SFSWAP: variants seen among roughly 807,000 people sequenced by gnomAD.
SFSWAP encodes splicing factor, suppressor of white-apricot homolog.
A neutral mutation model predicts 100.7 loss-of-function variants in SFSWAP; 17 were observed. The observed-to-expected ratio is 0.17, with a 90% confidence interval of 0.12 to 0.25. SFSWAP has a LOEUF of 0.25. Ranked by LOEUF, SFSWAP falls within the 10% of genes least tolerant of loss-of-function variation. SFSWAP has a pLI of 1.00. For synonymous variants in SFSWAP, 504 were observed against 510.1 expected (o/e 0.99, Z 0.16); for missense variants, 1,005 against 1,262.6 (o/e 0.80, Z 3.09).
chr12:131,797,719 G>T (rs1443971189), intron 16 of SFSWAP, among the ~76,000 whole-genome samples: 1 of 152,116 alleles, frequency 6.6e-6, no homozygotes, highest in Admixed American at 6.5e-5. Flanking sequence ...AGGCTGCCGT[G>T]GCTGGAGCAG....
intron 7 of SFSWAP, among the ~76,000 whole-genome samples, chr12:131,731,950 C>G (rs1879557048): frequency 8.5e-6 from 1 of 117,282 alleles, no homozygotes; most frequent in East Asian, 2.9e-4. Context: ...CTCTGTGTTA[C>G]CCAGGCTGGA....
chr12:131,764,424 CAT>C (rs1882944815), intron 11 of SFSWAP, 30 bp from the exon 12 acceptor site: 1 of 1,568,394 alleles, frequency 6.4e-7, no homozygotes, highest in African/African-American at 1.4e-5. Context: ...CACTCTGTAA[CAT>C]GTATCATAAT....
intron 4 of SFSWAP, among the ~76,000 whole-genome samples, chr12:131,719,860 C>T (rs1469780873): frequency 5.9e-5 from 9 of 152,198 alleles, no homozygotes. Context: ...CTGCTCCCCA[C>T]ACATAGATGT....
At chr12:131,721,942 T>G (rs749772099) in intron 4 of SFSWAP, among the ~76,000 whole-genome samples, 9 of 152,232 alleles carry the variant, frequency 5.9e-5, no homozygotes, top group Non-Finnish European at 1.0e-4. Flanking sequence ...TCATAATTAT[T>G]ATGTGTTTTT....
At chr12:131,737,891 T>C (rs1880184197) in intron 7 of SFSWAP, among the ~76,000 whole-genome samples, 1 of 152,128 alleles carries the variant, frequency 6.6e-6, no homozygotes, top group Admixed American at 6.5e-5. Flanking sequence ...ATTTATTTCA[T>C]TTATTAATTT....
At position 131,730,842 on chromosome 12, in the gene SFSWAP, C is replaced by T. The variant is rs1020199762; in HGVS notation, c.1081+2414C>T. 6.6e-6 allele frequency among the ~76,000 whole-genome samples: 1 copy of T among 152,264 alleles called. No individual in the cohort carries two copies. Among genetic ancestry groups the T allele is most frequent in the South Asian group, 2.1e-4 (1 of 4,820 alleles). On this transcript the variant is annotated intron_variant, in intron 7 of 17. Coordinates refer to ENST00000261674, the MANE Select transcript of SFSWAP (RefSeq NM_004592.4). The surrounding 1 kb of genome is among the most constrained non-coding windows in gnomAD (Gnocchi z 4.0). Reference sequence around the variant, plus strand: ...CCCTCTCCTCCCCTCAATACGGTGCCGTTGTTTTGAAACTCATCGTCTCCC... The same window carrying T: ...CCCTCTCCTCCCCTCAATACGGTGCTGTTGTTTTGAAACTCATCGTCTCCC...
chr12:131,786,669 CT>C, intron 15 of SFSWAP, 81 bp downstream of exon 15: 1 of 1,452,782 alleles, frequency 6.9e-7, no homozygotes, highest in Non-Finnish European at 9.2e-7. Flanking sequence ...GGTCGGGTAT[CT>C]GTGAGCAGAG....
rs1015160934 is a variant in SFSWAP, at chr12:131,734,289, T to C, written c.1081+5861T>C. Among the ~76,000 whole-genome samples, 2 of 152,210 alleles carry C rather than the reference T, an allele frequency of 1.3e-5. No homozygotes were observed. Among genetic ancestry groups the C allele is most frequent in the Non-Finnish European group, 2.9e-5 (2 of 68,038 alleles). ...TCACGTTTTTCCTCACAACTTAGAA[T>C]AGCAAAGTTACAGACTTTGGATTCT... On this transcript the variant is annotated intron_variant, in intron 7 of 17. Transcript: ENST00000261674. This position sits in a 1 kb window ranked among gnomAD's most constrained non-coding sequence, Gnocchi z 4.9.
At chr12:131,782,178 C>T (rs115247650) in intron 14 of SFSWAP, among the ~76,000 whole-genome samples, 4 of 152,342 alleles carry the variant, frequency 2.6e-5, no homozygotes, top group African/African-American at 9.6e-5. Context: ...GGTGGTTTCT[C>T]ACCATAACCT....
At chr12:131,724,187 C>A (rs960243139) in intron 4 of SFSWAP, among the ~76,000 whole-genome samples, 6 of 152,104 alleles carry the variant, frequency 3.9e-5, no homozygotes, top group African/African-American at 1.4e-4. Context: ...ACAAATAGGC[C>A]TACTTTTAAG....
chr12:131,719,477 G>C lies in SFSWAP; in HGVS notation c.544G>C (p.Glu182Gln), dbSNP rs745373470. 1.2e-5 allele frequency: 19 copies of C among 1,613,990 alleles called. No homozygotes were observed. Among genetic ancestry groups the C allele is most frequent in the Middle Eastern group, 1.6e-4 (1 of 6,084 alleles). ...QREKNEAENL[E>Q]ENEEPFVAPL... The stretch of plus-strand genomic sequence containing the variant: ...AGAAAAAAATGAGGCCGAAAATTTA[G>C]AGGAAAATGAAGAGCCCTTCGTTGC... The change falls in exon 4 of 18, where the codon GAG becomes CAG. Residue 182 changes from glutamate to glutamine, a missense_variant. Physicochemically the swap from Glu to Gln is conservative, Grantham distance 29. Coordinates refer to ENST00000261674, the MANE Select transcript of SFSWAP (RefSeq NM_004592.4).
chr12:131,767,084 TCCGAGACCAGAGGC>T (rs1883178348), intron 13 of SFSWAP, among the ~76,000 whole-genome samples: 1 of 1,612 alleles, frequency 6.2e-4, no homozygotes, highest in African/African-American at 7.2e-3. Flanking sequence ...CCCATGCGTG[TCCGAGACCAGAGGC>T]CTTCAGTAGA....
intron 14 of SFSWAP, among the ~76,000 whole-genome samples, chr12:131,782,494 T>C (rs529110127): frequency 7.2e-5 from 11 of 152,360 alleles, no homozygotes; most frequent in East Asian, 3.9e-4. Context: ...CCACTCAGAA[T>C]GGATCGGACT....
At chr12:131,744,307 G>A (rs1880922799) in intron 7 of SFSWAP, among the ~76,000 whole-genome samples, 1 of 152,170 alleles carries the variant, frequency 6.6e-6, no homozygotes, top group Non-Finnish European at 1.5e-5. Flanking sequence ...AAAACTGAAT[G>A]CCTTTAACAG....
At chr12:131,753,481 T>C in intron 8 of SFSWAP, 118 bp downstream of exon 8, 1 of 1,283,166 alleles carries the variant, frequency 7.8e-7, no homozygotes. Context: ...GTCCCCATTG[T>C]CTGAGTAGTT....
At position 131,779,325 on chromosome 12, in the gene SFSWAP, T is replaced by C. The variant is rs1444815011; in HGVS notation, c.2408+995T>C. On this transcript the variant is annotated intron_variant, in intron 14 of 17. Coordinates refer to ENST00000261674, the MANE Select transcript of SFSWAP (RefSeq NM_004592.4). ...AAGAGGGCGGCGCTGGTGCAGAATG[T>C]TTCCTCTCCACCCTCCCTCCAGGAG... 2.4e-5 allele frequency among the ~76,000 whole-genome samples: 3 copies of C among 123,102 alleles called. No individual in the cohort carries two copies. In the East Asian group the frequency reaches 8.3e-4, roughly 34 times the overall value. 80.8% of individuals were successfully genotyped at this position (123,102 alleles called of 152,430 possible). A position where few individuals can be genotyped will look rare whatever the true frequency, so the allele number is the denominator to read the frequency against.
chr12:131,796,961 A>G (rs530876578), intron 15 of SFSWAP: 191 of 493,512 alleles, frequency 3.9e-4, no homozygotes, highest in African/African-American at 3.3e-3. Flanking sequence ...AAATACCACA[A>G]ATATTTTACT....
Position 131,754,457 on chromosome 12 carries a change from G to T in SFSWAP, c.1412G>T (p.Gly471Val). 2 of 1,603,848 alleles carry T rather than the reference G, an allele frequency of 1.2e-6. No homozygotes were observed. Among genetic ancestry groups the T allele is most frequent in the Admixed American group, 1.7e-5 (1 of 57,206 alleles). Residue 471 changes from glycine to valine, a missense_variant, in exon 9 of 18, where the codon GGC (glycine) becomes GTC (valine). By Grantham distance (109) the Gly-to-Val change is moderately radical. This residue lies in a region of SFSWAP where 311 missense variants were observed against 317.8 expected (regional missense o/e 0.98). Transcript: ENST00000261674. ...CTGGCCGAGTATGTCGCCAGGAACG[G>T]CCTGAAGTTCGAGACCAGTGTTCGT... is the stretch of plus-strand genomic sequence containing the variant. The part of the protein sequence containing the change: ...DKLAEYVARN[G>V]LKFETSVRAK...
At chr12:131,799,144 T>G in intron 17 of SFSWAP, 35 bp downstream of exon 17, 2 of 1,522,662 alleles carry the variant, frequency 1.3e-6, no homozygotes, top group Non-Finnish European at 1.8e-6. Flanking sequence ...CTCCCAGCCT[T>G]TCATCAAGGG....
Sources: gnomAD v4.1 joint callset for allele counts (sites outside exome capture counted in the v4.1 genomes callset) on GRCh38, gnomAD v4.1.1 for gene constraint, gnomAD v4.1.1 regional missense constraint, Gnocchi (gnomAD v3.1) non-coding constraint, MANE v1.5 for transcripts, NCBI Gene and HGNC (gene_info 2026-07-23, HGNC 2026-07-21) for gene names.